The following SLIT1 variants were observed in gnomAD, a reference collection of about 807,000 sequenced individuals.
The protein encoded by SLIT1 is slit homolog 1 protein.
A neutral mutation model predicts 186.1 loss-of-function variants in SLIT1; 66 were observed. The ratio of observed to expected loss-of-function variants is 0.35; its 90% CI spans 0.29 to 0.44. SLIT1 has a LOEUF of 0.44. Among genes scored for constraint, SLIT1 ranks in the 20% least tolerant of loss-of-function variants. SLIT1 has a pLI of 1.00. For synonymous variants in SLIT1, 761 were observed against 833.8 expected (o/e 0.91, Z 1.50); for missense variants, 1,638 against 2,037.4 (o/e 0.80, Z 3.77).
intron 4 of SLIT1, among the ~76,000 whole-genome samples, chr10:97,080,517 C>T (rs1042820169): frequency 2.6e-5 from 4 of 152,172 alleles, no homozygotes; most frequent in Admixed American, 6.5e-5. Flanking sequence ...GGGCAGTTTC[C>T]CATTTCCCTT....
At chr10:97,097,323 TG>T (rs764037064) in intron 4 of SLIT1, among the ~76,000 whole-genome samples, 2 of 152,234 alleles carry the variant, frequency 1.3e-5, no homozygotes, top group Admixed American at 6.5e-5. Context: ...TTCATGGGAA[TG>T]CATCTGGCTC....
intron 4 of SLIT1, among the ~76,000 whole-genome samples, chr10:97,091,054 C>T (rs542074698): frequency 8.5e-5 from 13 of 152,378 alleles, no homozygotes; most frequent in African/African-American, 2.6e-4. Flanking sequence ...TTGACATCAG[C>T]TGAGAAGATA....
At chr10:97,108,317 C>A (rs570776308) in intron 4 of SLIT1, among the ~76,000 whole-genome samples, 1 of 152,230 alleles carries the variant, frequency 6.6e-6, no homozygotes, top group South Asian at 2.1e-4. Context: ...TTCACCTCTC[C>A]GTGCCTCAGT....
intron 1 of SLIT1, among the ~76,000 whole-genome samples, chr10:97,166,837 A>G (rs1850127782): frequency 6.6e-6 from 1 of 152,156 alleles, no homozygotes; most frequent in Non-Finnish European, 1.5e-5. Flanking sequence ...TGCTCATCTT[A>G]TAGATGAGAG....
At chr10:97,046,919 C>A (rs1848739482) in intron 17 of SLIT1, 72 bp downstream of exon 17, 6 of 1,559,012 alleles carry the variant, frequency 3.8e-6, no homozygotes, top group Middle Eastern at 3.4e-4. Context: ...GAGCTGCCCC[C>A]ACCCTGGCAT....
At chr10:97,020,036 G>A (rs751917066) in intron 26 of SLIT1, among the ~76,000 whole-genome samples, 2 of 151,248 alleles carry the variant, frequency 1.3e-5, no homozygotes, top group Admixed American at 6.6e-5. Flanking sequence ...ATGCACTGGC[G>A]CACACATGGC....
chr10:97,109,844 A>G (rs975381678), intron 4 of SLIT1, among the ~76,000 whole-genome samples: 5 of 152,222 alleles, frequency 3.3e-5, no homozygotes, highest in African/African-American at 9.6e-5. Flanking sequence ...AAGCTGAGCC[A>G]GCGGGCAGAC....
At chr10:97,030,516 A>G (rs1345516166) in intron 25 of SLIT1, among the ~76,000 whole-genome samples, 2 of 152,226 alleles carry the variant, frequency 1.3e-5, no homozygotes, top group African/African-American at 2.4e-5. Flanking sequence ...GTGCACAGCA[A>G]TCGATCAATG....
intron 8 of SLIT1, among the ~76,000 whole-genome samples, chr10:97,061,663 T>C (rs1296689614): frequency 6.6e-6 from 1 of 152,270 alleles, no homozygotes; most frequent in African/African-American, 2.4e-5. Flanking sequence ...TTCCATTATA[T>C]GGATACATCA....
At chr10:97,048,905 G>GGGCA (rs750067002) in intron 14 of SLIT1, 50 bp downstream of exon 14, 2 of 1,571,488 alleles carry the variant, frequency 1.3e-6, no homozygotes, top group South Asian at 2.2e-5. Context: ...GTGGGCAGGT[G>GGGCA]GGCAGGCAGG....
intron 4 of SLIT1, chr10:97,153,685 C>G (rs1057428342): frequency 7.2e-5 from 11 of 152,206 alleles, no homozygotes; most frequent in African/African-American, 2.7e-4. Context: ...CAGATTCACT[C>G]TCCCAGAAAC....
At chr10:97,058,179 A>C (rs1848858939) in intron 11 of SLIT1, 1 of 660,588 alleles carries the variant, frequency 1.5e-6, no homozygotes, top group Non-Finnish European at 2.8e-6. Context: ...CTGAGACAGC[A>C]TCAGATTCCC....
intron 14 of SLIT1, 88 bp downstream of exon 14, chr10:97,048,867 G>GCAGGCGGA: frequency 7.2e-7 from 1 of 1,380,790 alleles, no homozygotes; most frequent in Non-Finnish European, 1.0e-6. Flanking sequence ...GGGCAGGTGG[G>GCAGGCGGA]CAGGTATGCA....
intron 4 of SLIT1, among the ~76,000 whole-genome samples, chr10:97,087,884 A>C (rs73322712): frequency 5.2e-4 from 79 of 152,232 alleles, no homozygotes; most frequent in African/African-American, 1.8e-3. Flanking sequence ...AGCCAGGTAA[A>C]CTAAAGCCTT....
At chr10:97,142,190 A>C (rs1849773162) in intron 4 of SLIT1, among the ~76,000 whole-genome samples, 1 of 152,072 alleles carries the variant, frequency 6.6e-6, no homozygotes. Flanking sequence ...CTTCTTAAAA[A>C]AAAACAAAGT....
chr10:97,129,044 TC>T lies in SLIT1; in HGVS notation c.413+28773del, dbSNP rs576220922. 7.2e-5 allele frequency among the ~76,000 whole-genome samples: 11 copies of T among 152,300 alleles called. No homozygotes were observed. In the Middle Eastern group the frequency reaches 0.014, roughly 188 times the overall value. ...TCCATTCAGTCCCAGCTTCTCTGCTTCCTGCTCTGTGTCCCTGGGGAAATTG... is the reference window on the plus strand; with the variant it reads ...TCCATTCAGTCCCAGCTTCTCTGCTTCTGCTCTGTGTCCCTGGGGAAATTG... On this transcript the variant is annotated intron_variant, in intron 4 of 36. Coordinates refer to ENST00000266058, the MANE Select transcript of SLIT1 (RefSeq NM_003061.3).
chr10:97,015,556 A>G (rs1848448139), intron 28 of SLIT1, among the ~76,000 whole-genome samples: 1 of 152,246 alleles, frequency 6.6e-6, no homozygotes, highest in South Asian at 2.1e-4. Context: ...CAAAACAGGA[A>G]AAGATCAAAC....
intron 4 of SLIT1, among the ~76,000 whole-genome samples, chr10:97,092,896 CACA>C (rs1849248289): frequency 6.6e-6 from 1 of 152,208 alleles, no homozygotes; most frequent in Non-Finnish European, 1.5e-5. Context: ...ATTTATTCCT[CACA>C]ACAACTCCAT....
In SLIT1 at chr10:97,091,202, A is replaced by G. The variant is rs564361066; in HGVS notation, c.414-25116T>C. Among the ~76,000 whole-genome samples, 60 of 152,350 alleles carry G rather than the reference A, an allele frequency of 3.9e-4. 1 individual carries two copies. The South Asian group carries it at 0.012, about 32-fold the overall frequency. On this transcript the variant is annotated intron_variant, in intron 4 of 36. Transcript: ENST00000266058. ...CATTTCACATGAACTTTGCAGCTGC[A>G]TCTGAAAACCAATTAGTGTGGATGT...
Sources: allele counts gnomAD v4.1 joint callset (sites outside exome capture counted in the v4.1 genomes callset), GRCh38; gene constraint gnomAD v4.1.1; transcripts MANE v1.5; gene names NCBI Gene and HGNC (gene_info 2026-07-23, HGNC 2026-07-21).